PDE10A: variants seen among roughly 807,000 people sequenced by gnomAD.
The protein encoded by PDE10A is cAMP and cAMP-inhibited cGMP 3',5'-cyclic phosphodiesterase 10A.
Under a neutral mutation model 97.7 loss-of-function variants are expected in PDE10A, and 39 were observed. That is an observed-to-expected ratio of 0.40 (90% CI 0.31 to 0.52). The LOEUF (loss-of-function observed/expected upper bound fraction) is 0.52, where lower values mean the gene tolerates loss of function less well. PDE10A is among the 20% of genes least tolerant of loss of function. PDE10A has a pLI of 0.56. For synonymous variants in PDE10A, 371 were observed against 376.8 expected, an observed-to-expected ratio of 0.98 and a Z score of 0.18; for missense variants, 731 against 1,047.8, an observed-to-expected ratio of 0.70 and a Z score of 4.17.
chr6:165,861,652 G>A (rs1398537165), intron 1 of PDE10A, among the ~76,000 whole-genome samples: 3 of 151,992 alleles, frequency 2.0e-5, no homozygotes, highest in Non-Finnish European at 4.4e-5. Context: ...GGGAAGGGGA[G>A]CAGAGACCGA....
At chr6:165,543,822 G>A (rs953623075) in intron 1 of PDE10A, among the ~76,000 whole-genome samples, 6 of 147,490 alleles carry the variant, frequency 4.1e-5, no homozygotes, top group African/African-American at 1.6e-4. Context: ...TAAATTGTAC[G>A]CTTAAAACAG....
chr6:165,398,942 C>A (rs947222398), intron 13 of PDE10A, among the ~76,000 whole-genome samples: 1 of 151,976 alleles, frequency 6.6e-6, no homozygotes, highest in Admixed American at 6.6e-5. Flanking sequence ...GAATTCTACT[C>A]GAACTATAAA....
chr6:165,727,719 C>G (rs1792334335), intron 1 of PDE10A, among the ~76,000 whole-genome samples: 1 of 152,132 alleles, frequency 6.6e-6, no homozygotes, highest in South Asian at 2.1e-4. Flanking sequence ...GCTTTCTTGT[C>G]CAATCACTTG....
At chr6:165,463,143 C>T (rs2322928) in intron 3 of PDE10A, among the ~76,000 whole-genome samples, 4,671 of 152,296 alleles carry the variant, frequency 0.031, 235 homozygotes, top group African/African-American at 0.1. Context: ...AGCCACACTA[C>T]GTTCAGCTGA....
intron 16 of PDE10A, among the ~76,000 whole-genome samples, chr6:165,389,028 CAG>C (rs1455983714): frequency 6.6e-6 from 1 of 152,120 alleles, no homozygotes; most frequent in East Asian, 1.9e-4. Flanking sequence ...AGACCCGAAA[CAG>C]GGTAAGGAGA....
intron 1 of PDE10A, among the ~76,000 whole-genome samples, chr6:165,892,567 G>A (rs111799487): frequency 0.027 from 4,175 of 152,258 alleles, 201 homozygotes; most frequent in African/African-American, 0.095. Context: ...GGGTGCATGC[G>A]CTCTCCTTGG....
chr6:165,437,245 T>TA (rs1583284343), intron 5 of PDE10A, among the ~76,000 whole-genome samples: 1 of 151,448 alleles, frequency 6.6e-6, no homozygotes, highest in South Asian at 2.1e-4. Context: ...CTTTTTTTTT[T>TA]ATGACTTAGC....
chr6:165,646,743 C>T (rs1053200274), intron 1 of PDE10A, among the ~76,000 whole-genome samples: 2 of 152,152 alleles, frequency 1.3e-5, no homozygotes, highest in East Asian at 1.9e-4. Context: ...TGAGAAGGAG[C>T]ACCTGGCCAC....
chr6:165,759,787 C>T (rs565346776), intron 1 of PDE10A, among the ~76,000 whole-genome samples: 14 of 152,330 alleles, frequency 9.2e-5, no homozygotes, highest in African/African-American at 3.1e-4. Flanking sequence ...AAGTAGTTTA[C>T]AGGGAGGCCC....
intron 2 of PDE10A, among the ~76,000 whole-genome samples, chr6:165,498,125 A>G (rs1042990996): frequency 1.3e-5 from 2 of 152,090 alleles, no homozygotes; most frequent in Admixed American, 6.6e-5. Context: ...ATTTATAACA[A>G]TTTAGGCCAG....
chr6:165,908,521 A>G (rs367843837), intron 1 of PDE10A, among the ~76,000 whole-genome samples: 1 of 152,198 alleles, frequency 6.6e-6, no homozygotes, highest in African/African-American at 2.4e-5. Flanking sequence ...GAATCCACAT[A>G]CAATCCAGCA....
In PDE10A at chr6:165,428,666, G is replaced by A; in HGVS notation, c.1645C>T (p.His549Tyr). 1 of 1,335,384 alleles carries A rather than the reference G, an allele frequency of 7.5e-7. No homozygotes were observed. The highest frequency in any genetic ancestry group is 1.1e-6 in the Non-Finnish European group (1 of 939,946). The allele number at this position is 1,335,384 out of a possible 1,614,324, so 82.7% of individuals were successfully genotyped here. A position where few individuals can be genotyped will look rare whatever the true frequency, so the allele number is the denominator to read the frequency against. Residue 549 changes from histidine to tyrosine, a missense_variant, in exon 10 of 22, where the codon CAC becomes TAC. This residue lies in a region of PDE10A where 108 missense variants were observed against 199.8 expected (regional missense o/e 0.54). Transcript: ENST00000539869. ...GAACAAAAACAACCTACCATTATGT[G>A]TTCAAGTAGAGAATCTATTGCAACT... Reference protein sequence around the residue: ...NIVAIDSLLEHIMIYAKNLVN... With the variant: ...NIVAIDSLLEYIMIYAKNLVN...
chr6:165,795,278 C>A (rs778343079), intron 1 of PDE10A, among the ~76,000 whole-genome samples: 1 of 152,214 alleles, frequency 6.6e-6, no homozygotes, highest in Non-Finnish European at 1.5e-5. Context: ...ATTTCCTGCT[C>A]TGTTTAGTCA....
chr6:165,720,500 C>T (rs913800701), intron 1 of PDE10A, among the ~76,000 whole-genome samples: 3 of 152,140 alleles, frequency 2.0e-5, no homozygotes, highest in Admixed American at 6.5e-5. Flanking sequence ...ACTCCCAAAC[C>T]TAAAGAATAA....
chr6:165,334,123 T>C (rs892268013), intron 21 of PDE10A, among the ~76,000 whole-genome samples: 2 of 152,362 alleles, frequency 1.3e-5, no homozygotes, highest in South Asian at 2.1e-4. Context: ...ACACCGATGA[T>C]ACATCATACG....
chr6:165,648,490 CTAA>C (rs1160583935), intron 1 of PDE10A, among the ~76,000 whole-genome samples: 2 of 152,226 alleles, frequency 1.3e-5, no homozygotes, highest in East Asian at 3.9e-4. Flanking sequence ...TGATCTCCAC[CTAA>C]TAATAATGGC....
At chr6:165,941,326 A>G (rs963870234) in intron 1 of PDE10A, among the ~76,000 whole-genome samples, 3 of 152,196 alleles carry the variant, frequency 2.0e-5, no homozygotes, top group Admixed American at 2.0e-4. Flanking sequence ...ATCAATAAAA[A>G]TCTGTTTCTG....
chr6:165,972,170 G>C (rs1236464811), intron 1 of PDE10A, among the ~76,000 whole-genome samples: 1 of 152,200 alleles, frequency 6.6e-6, no homozygotes, highest in Non-Finnish European at 1.5e-5. Flanking sequence ...AAAGTTTTAA[G>C]AGCATAAAAA....
intron 1 of PDE10A, among the ~76,000 whole-genome samples, chr6:165,631,568 C>G (rs1241597932): frequency 6.6e-6 from 1 of 152,156 alleles, no homozygotes; most frequent in African/African-American, 2.4e-5. Flanking sequence ...ACTACAGATT[C>G]AGTAAAATTA....
Sources: allele counts gnomAD v4.1 joint callset (sites outside exome capture counted in the v4.1 genomes callset), GRCh38; gene constraint gnomAD v4.1.1; regional missense constraint gnomAD v4.1.1; transcripts MANE v1.5; gene names NCBI Gene and HGNC (gene_info 2026-07-23, HGNC 2026-07-21).